KYNU: variants seen among roughly 807,000 people sequenced by gnomAD.
The protein encoded by KYNU is kynureninase.
A neutral mutation model predicts 59.2 loss-of-function variants in KYNU; 54 were observed. That is an observed-to-expected ratio of 0.91 (90% CI 0.73 to 1.14). The LOEUF is 1.14. KYNU is among the 50% of genes most tolerant of loss of function. KYNU has a pLI of 0.00. For synonymous variants in KYNU, 177 were observed against 192.0 expected, an observed-to-expected ratio of 0.92 and a Z score of 0.65; for missense variants, 567 against 554.4, an observed-to-expected ratio of 1.02 and a Z score of -0.23.
At chr2:143,039,655 T>C (rs537646690) in intron 12 of KYNU, among the ~76,000 whole-genome samples, 1 of 152,228 alleles carries the variant, frequency 6.6e-6, no homozygotes, top group Non-Finnish European at 1.5e-5. Context: ...CTGGAAATTA[T>C]CACCAGACCA....
rs1243862298 is a variant in KYNU at position 143,042,959 on chromosome 2, A to C, written c.*787A>C. 1 of 151,740 alleles carries C rather than the reference A, an allele frequency of 6.6e-6. No homozygotes were observed. Among genetic ancestry groups the C allele is most frequent in the Admixed American group, 6.6e-5 (1 of 15,170 alleles). 9.4% of individuals were successfully genotyped at this position (151,740 alleles called of 1,614,324 possible). A position where few individuals can be genotyped will look rare whatever the true frequency, so the allele number is the denominator to read the frequency against. Reference sequence around the variant, plus strand: ...TTGATAAAATAGTCTAAATAGCAAAAATAAAAGTTTTTACAATTATTTGCC... The same window carrying C: ...TTGATAAAATAGTCTAAATAGCAAACATAAAAGTTTTTACAATTATTTGCC... On this transcript the variant is annotated 3_prime_UTR_variant, in exon 14 of 14. Coordinates refer to ENST00000264170, the MANE Select transcript of KYNU (RefSeq NM_003937.3).
rs114851305 is a variant in KYNU, at chr2:142,888,841, C to A, written c.169+3305C>A. The stretch of plus-strand genomic sequence containing the variant: ...CGGTTCAGAGAACCAAAGAGCAAAG[C>A]TGTCGCATACTTGAACGTGTATCTA... On this transcript the variant is annotated intron_variant, in intron 2 of 13. Transcript: ENST00000264170. 7.9e-3 allele frequency among the ~76,000 whole-genome samples: 1,182 copies of A among 148,992 alleles called. 14 individuals are homozygous for A. Among genetic ancestry groups the A allele is most frequent in the African/African-American group, 0.028 (1,111 of 40,184 alleles).
intron 4 of KYNU, among the ~76,000 whole-genome samples, chr2:142,938,386 G>A (rs895075972): frequency 3.9e-5 from 6 of 152,270 alleles, no homozygotes; most frequent in Non-Finnish European, 7.3e-5. Context: ...ATACTCCACC[G>A]CAGCCACGTG....
In KYNU at chr2:142,889,654, T is replaced by C. The variant is rs188771963; in HGVS notation, c.169+4118T>C. Among the ~76,000 whole-genome samples, 1,173 of 152,300 alleles carry C rather than the reference T, an allele frequency of 7.7e-3. 10 individuals carry two copies. The highest frequency in any genetic ancestry group is 0.02 in the Middle Eastern group (6 of 294). On this transcript the variant is annotated intron_variant, in intron 2 of 13. Transcript: ENST00000264170. ...ACCCCCAACGGTGTTGAAATTTCCT[T>C]CTTTTTTGTTTTGACAAGATGTGAA...
intron 2 of KYNU, among the ~76,000 whole-genome samples, chr2:142,892,751 C>T (rs769793130): frequency 4.6e-5 from 7 of 152,292 alleles, no homozygotes; most frequent in South Asian, 2.1e-4. Flanking sequence ...TTCACTGATA[C>T]AATTAACTTG....
At chr2:142,886,689 T>G (rs2104910650) in intron 2 of KYNU, among the ~76,000 whole-genome samples, 1 of 152,176 alleles carries the variant, frequency 6.6e-6, no homozygotes, top group East Asian at 1.9e-4. Context: ...GAAATAAAAT[T>G]TAGGAAAGGA....
intron 4 of KYNU, among the ~76,000 whole-genome samples, chr2:142,937,603 A>G (rs1238067249): frequency 6.6e-6 from 1 of 152,226 alleles, no homozygotes; most frequent in Non-Finnish European, 1.5e-5. Flanking sequence ...CAGCACAGGC[A>G]TGTGGTTGGA....
intron 2 of KYNU, among the ~76,000 whole-genome samples, chr2:142,906,810 C>G (rs953003958): frequency 8.5e-5 from 13 of 152,280 alleles, no homozygotes; most frequent in Non-Finnish European, 1.6e-4. Context: ...GCACCATGAT[C>G]TCGACCGGCC....
intron 2 of KYNU, among the ~76,000 whole-genome samples, chr2:142,894,130 C>T (rs1475046167): frequency 6.6e-6 from 1 of 152,196 alleles, no homozygotes; most frequent in East Asian, 1.9e-4. Flanking sequence ...GTGTCTCTCC[C>T]TCAGATGCCA....
At chr2:142,912,658 C>T (rs982510611) in intron 2 of KYNU, among the ~76,000 whole-genome samples, 4 of 149,676 alleles carry the variant, frequency 2.7e-5, no homozygotes, top group African/African-American at 9.8e-5. Flanking sequence ...GGATTACAGG[C>T]ATGAGCCACA....
intron 10 of KYNU, among the ~76,000 whole-genome samples, chr2:142,993,205 GAAGA>G (rs140152551): frequency 0.11 from 17,309 of 151,942 alleles, 1,059 homozygotes; most frequent in East Asian, 0.26. Flanking sequence ...ATATAAAAAA[GAAGA>G]AAGAATTACT....
chr2:142,925,634 A>C (rs1378610201), intron 3 of KYNU, among the ~76,000 whole-genome samples: 1 of 152,232 alleles, frequency 6.6e-6, no homozygotes, highest in Non-Finnish European at 1.5e-5. Context: ...CATGACCAGT[A>C]CTGACCTGGA....
Position 143,045,277 on chromosome 2 carries a change from C to G in KYNU, c.*3105C>G, listed in dbSNP as rs990986146. 4 of 152,094 alleles carry G rather than the reference C, an allele frequency of 2.6e-5. No individual in the cohort carries two copies. The highest frequency in any genetic ancestry group is 1.3e-4 in the Admixed American group (2 of 15,254). 9.4% of individuals were successfully genotyped at this position (152,094 alleles called of 1,614,324 possible). On this transcript the variant is annotated 3_prime_UTR_variant, in exon 14 of 14. Transcript: ENST00000264170. ...AAGTCAGGTAGTGTGATGCCTCCAGCTTTGTTCTTTTTGCTTAGGATTGTC... is the reference window on the plus strand; with the variant it reads ...AAGTCAGGTAGTGTGATGCCTCCAGGTTTGTTCTTTTTGCTTAGGATTGTC...
intron 1 of KYNU, among the ~76,000 whole-genome samples, chr2:142,881,162 A>G (rs1289350334): frequency 6.6e-6 from 1 of 152,156 alleles, no homozygotes; most frequent in East Asian, 1.9e-4. Flanking sequence ...CATGAGAAAA[A>G]TCACAGAAAT....
intron 10 of KYNU, among the ~76,000 whole-genome samples, chr2:142,991,163 G>A (rs772688913): frequency 4.0e-5 from 6 of 151,840 alleles, no homozygotes; most frequent in Non-Finnish European, 7.4e-5. Context: ...ATTTGTTCAG[G>A]GGAACACTGA....
intron 4 of KYNU, among the ~76,000 whole-genome samples, chr2:142,945,760 G>A (rs1179689451): frequency 6.8e-6 from 1 of 147,336 alleles, no homozygotes; most frequent in African/African-American, 2.5e-5. Context: ...TTTTTTTTTG[G>A]AAAAGCAGTC....
chr2:142,915,450 T>TTAAG (rs1426228949), intron 2 of KYNU, among the ~76,000 whole-genome samples: 1 of 152,232 alleles, frequency 6.6e-6, no homozygotes. Flanking sequence ...TTTCCTGAAC[T>TTAAG]TAAGTCAAGC....
chr2:142,966,733 C>T (rs988017335), intron 8 of KYNU, among the ~76,000 whole-genome samples: 4 of 151,944 alleles, frequency 2.6e-5, no homozygotes, highest in African/African-American at 7.2e-5. Flanking sequence ...GGAAAATAAT[C>T]GTGCCAACTT....
intron 1 of KYNU, chr2:142,879,627 T>C (rs965706313): frequency 6.6e-6 from 1 of 152,250 alleles, no homozygotes; most frequent in Non-Finnish European, 1.5e-5. Context: ...TCATGGGCTT[T>C]GCCAAAGACC....
Sources: allele counts gnomAD v4.1 joint callset (sites outside exome capture counted in the v4.1 genomes callset), GRCh38; gene constraint gnomAD v4.1.1; transcripts MANE v1.5; gene names NCBI Gene and HGNC (gene_info 2026-07-23, HGNC 2026-07-21).